Variants in MARCHF1 observed in about 807,000 individuals in gnomAD.
The protein encoded by MARCHF1 is membrane associated ring-CH-type finger 1.
In MARCHF1, 40 loss-of-function variants were observed where a neutral mutation model predicts 54.2. The observed-to-expected ratio is 0.74, with a 90% CI of 0.57 to 0.96. The LOEUF (loss-of-function observed/expected upper bound fraction) is 0.96, where lower values mean the gene tolerates loss of function less well. Among genes scored for constraint, MARCHF1 ranks in the 40% least tolerant of loss-of-function variants. The pLI, the probability that MARCHF1 is intolerant of heterozygous loss-of-function variation, is 0.00. For synonymous variants in MARCHF1, 236 were observed against 236.3 expected (o/e 1.00, Z 0.01); for missense variants, 586 against 656.5 (o/e 0.89, Z 1.17).
At position 164,143,335 on chromosome 4, in the gene MARCHF1, C is replaced by A. The variant is rs1474375433; in HGVS notation, c.-322-31673G>T. 1.6e-4 allele frequency among the ~76,000 whole-genome samples: 23 copies of A among 144,232 alleles called. No individual in the cohort carries two copies. The Admixed American group carries it at 1.6e-3, about 10-fold the overall frequency. 94.6% of individuals were successfully genotyped at this position (144,232 alleles called of 152,430 possible). A position where few individuals can be genotyped will look rare whatever the true frequency, so the allele number is the denominator to read the frequency against. On this transcript the variant is annotated intron_variant, in intron 1 of 9. Coordinates refer to ENST00000514618, the MANE Select transcript of MARCHF1 (RefSeq NM_001394959.1). ...AAATACAGAGAACGCCACAAAGATA[C>A]TCCTCGAGAAGAGCAACTCCAAGAC...
chr4:163,881,376 C>T (rs1452693025), intron 3 of MARCHF1, among the ~76,000 whole-genome samples: 3 of 152,066 alleles, frequency 2.0e-5, no homozygotes, highest in Non-Finnish European at 4.4e-5. Flanking sequence ...GAGGCTGAGG[C>T]AGGAGAATCG....
chr4:164,150,710 T>A (rs769164350), intron 1 of MARCHF1, among the ~76,000 whole-genome samples: 1 of 152,214 alleles, frequency 6.6e-6, no homozygotes, highest in Non-Finnish European at 1.5e-5. Context: ...GAATAGTTCA[T>A]TTCTTGAAAT....
At chr4:163,615,769 A>G (rs6813882) in intron 5 of MARCHF1, among the ~76,000 whole-genome samples, 12,430 of 152,196 alleles carry the variant, frequency 0.082, 933 homozygotes, top group East Asian at 0.2. Context: ...AAATAACCAA[A>G]GCAATGTTGA....
At chr4:164,229,934 T>C (rs540280825) in intron 1 of MARCHF1, among the ~76,000 whole-genome samples, 1 of 152,204 alleles carries the variant, frequency 6.6e-6, no homozygotes, top group South Asian at 2.1e-4. Flanking sequence ...ACCTCCAACA[T>C]TGGAGATTAC....
chr4:163,914,261 A>C (rs933097363), intron 3 of MARCHF1, among the ~76,000 whole-genome samples: 9 of 152,174 alleles, frequency 5.9e-5, no homozygotes, highest in African/African-American at 2.2e-4. Flanking sequence ...TATACATTTA[A>C]GAAACTTCTT....
intron 5 of MARCHF1, among the ~76,000 whole-genome samples, chr4:163,623,020 A>G (rs578033478): frequency 4.6e-5 from 7 of 152,300 alleles, no homozygotes; most frequent in East Asian, 1.9e-4. Context: ...TACAGTTGGA[A>G]AGAGAGTTGG....
intron 3 of MARCHF1, among the ~76,000 whole-genome samples, chr4:163,960,050 G>GA (rs941190247): frequency 6.6e-6 from 1 of 151,784 alleles, no homozygotes; most frequent in African/African-American, 2.4e-5. Flanking sequence ...CAAGCATATG[G>GA]AAAAAAGCTC....
rs138648552 is a variant in MARCHF1 at position 164,362,515 on chromosome 4, C to T, written c.-323+21355G>A. On this transcript the variant is annotated intron_variant, in intron 1 of 9. Coordinates refer to ENST00000514618, the MANE Select transcript of MARCHF1 (RefSeq NM_001394959.1). ...GGCCTTGTACCCACATTTATTGACACATAGATGCCCAAGGCTAATTGGACT... is the reference window on the plus strand; with the variant it reads ...GGCCTTGTACCCACATTTATTGACATATAGATGCCCAAGGCTAATTGGACT... 4.8e-3 allele frequency among the ~76,000 whole-genome samples: 724 copies of T among 152,224 alleles called. 5 individuals are homozygous for T. The highest frequency in any genetic ancestry group is 0.016 in the African/African-American group (660 of 41,556).
At chr4:163,538,516 C>T (rs975884386) in intron 9 of MARCHF1, among the ~76,000 whole-genome samples, 3 of 152,038 alleles carry the variant, frequency 2.0e-5, no homozygotes, top group African/African-American at 2.4e-5. Context: ...TCATCTCTTT[C>T]CTGGCTAAGG....
chr4:163,768,402 C>T (rs1747054218), intron 4 of MARCHF1, among the ~76,000 whole-genome samples: 1 of 152,032 alleles, frequency 6.6e-6, no homozygotes, highest in African/African-American at 2.4e-5. Flanking sequence ...CTTTAAGTTG[C>T]CTTATTACAA....
At chr4:163,555,996 G>A in intron 8 of MARCHF1, 1 of 455,918 alleles carries the variant, frequency 2.2e-6, no homozygotes, top group South Asian at 1.5e-5. Flanking sequence ...AAAGAGAAAA[G>A]CTTTTAAAAA....
intron 5 of MARCHF1, among the ~76,000 whole-genome samples, chr4:163,674,222 T>C (rs1743828713): frequency 1.3e-5 from 2 of 151,996 alleles, no homozygotes; most frequent in Non-Finnish European, 2.9e-5. Context: ...GAAACAAAAA[T>C]GTGTACAATG....
At chr4:164,033,680 C>A (rs942902387) in intron 2 of MARCHF1, among the ~76,000 whole-genome samples, 26 of 152,148 alleles carry the variant, frequency 1.7e-4, no homozygotes, top group Non-Finnish European at 8.8e-5. Flanking sequence ...AAAAGCTCAA[C>A]ATCACTGATC....
At chr4:164,226,961 C>T (rs1732276005) in intron 1 of MARCHF1, among the ~76,000 whole-genome samples, 1 of 152,044 alleles carries the variant, frequency 6.6e-6, no homozygotes, top group Non-Finnish European at 1.5e-5. Context: ...AGATTATCAG[C>T]AAATAGAGAT....
intron 1 of MARCHF1, among the ~76,000 whole-genome samples, chr4:164,143,046 G>A (rs1373376175): frequency 1.4e-5 from 2 of 147,912 alleles, no homozygotes; most frequent in Non-Finnish European, 3.0e-5. Context: ...AGGAGCTGAT[G>A]CGATCAACTG....
At chr4:164,027,763 A>C (rs1462703841) in intron 2 of MARCHF1, among the ~76,000 whole-genome samples, 3 of 152,114 alleles carry the variant, frequency 2.0e-5, no homozygotes, top group Non-Finnish European at 2.9e-5. Flanking sequence ...ACCTATAAAG[A>C]GTTTCTGCAC....
At chr4:163,930,367 G>A (rs1421694537) in intron 3 of MARCHF1, among the ~76,000 whole-genome samples, 2 of 151,948 alleles carry the variant, frequency 1.3e-5, no homozygotes, top group African/African-American at 4.8e-5. Flanking sequence ...TTGAACAGAG[G>A]ACCTCAGGAG....
chr4:164,128,354 C>G (rs894425525), intron 1 of MARCHF1, among the ~76,000 whole-genome samples: 7 of 151,482 alleles, frequency 4.6e-5, no homozygotes, highest in Admixed American at 4.6e-4. Context: ...ATTCAACATG[C>G]AAATTCAAAA....
chr4:163,866,983 A>AT (rs1029464874), intron 3 of MARCHF1, among the ~76,000 whole-genome samples: 1 of 151,808 alleles, frequency 6.6e-6, no homozygotes, highest in Non-Finnish European at 1.5e-5. Context: ...TGGTGCCTAT[A>AT]TTTTTATTGG....
Sources: gnomAD v4.1 joint callset for allele counts (sites outside exome capture counted in the v4.1 genomes callset) on GRCh38, gnomAD v4.1.1 for gene constraint, MANE v1.5 for transcripts, NCBI Gene and HGNC (gene_info 2026-07-23, HGNC 2026-07-21) for gene names.